Variants in CDH13 observed in about 807,000 individuals in gnomAD.
CDH13 encodes cadherin-13.
CDH13 carries 24 observed loss-of-function variants against 63.8 expected under a neutral mutation model. The observed-to-expected ratio is 0.38, with a 90% CI of 0.27 to 0.53. The LOEUF is 0.53. Ranked by LOEUF, CDH13 falls within the 20% of genes least tolerant of loss-of-function variation. The pLI, the probability that CDH13 is intolerant of heterozygous loss-of-function variation, is 0.85. For synonymous variants in CDH13, 503 were observed against 355.3 expected, an observed-to-expected ratio of 1.42 and a Z score of -4.67; for missense variants, 1,049 against 903.1, an observed-to-expected ratio of 1.16 and a Z score of -2.07.
At chr16:83,000,868 C>A (rs1346314340) in intron 2 of CDH13, among the ~76,000 whole-genome samples, 1 of 152,288 alleles carries the variant, frequency 6.6e-6, no homozygotes, top group East Asian at 1.9e-4. Context: ...CGTGAGCCAC[C>A]GCGCCTGGCC....
At chr16:83,338,018 G>A (rs537930236) in intron 5 of CDH13, among the ~76,000 whole-genome samples, 1 of 152,126 alleles carries the variant, frequency 6.6e-6, no homozygotes, top group African/African-American at 2.4e-5. Flanking sequence ...TCGGACCTAA[G>A]TTTGAGTTCA....
intron 1 of CDH13, among the ~76,000 whole-genome samples, chr16:82,666,628 C>G (rs1256602014): frequency 2.6e-5 from 4 of 152,176 alleles, no homozygotes; most frequent in African/African-American, 9.7e-5. Context: ...TTACTATAAC[C>G]TAGTCGTAGG....
chr16:83,039,077 G>C (rs760386294), intron 3 of CDH13, among the ~76,000 whole-genome samples: 1 of 152,176 alleles, frequency 6.6e-6, no homozygotes. Context: ...CAGGCAGCTG[G>C]TCCTTATGAA....
chr16:83,463,820 A>G (rs994358299), intron 6 of CDH13, among the ~76,000 whole-genome samples: 1 of 152,040 alleles, frequency 6.6e-6, no homozygotes, highest in Non-Finnish European at 1.5e-5. Context: ...AAAGCAAAGA[A>G]AGTGGCTTGG....
intron 5 of CDH13, among the ~76,000 whole-genome samples, chr16:83,327,826 C>T (rs918076391): frequency 8.5e-5 from 13 of 152,068 alleles, no homozygotes; most frequent in African/African-American, 2.7e-4. Context: ...ATGCAAAGAC[C>T]CCAAAATAAA....
intron 2 of CDH13, among the ~76,000 whole-genome samples, chr16:82,909,037 A>G (rs1424568828): frequency 1.3e-5 from 2 of 152,210 alleles, no homozygotes; most frequent in African/African-American, 4.8e-5. Flanking sequence ...AATCTTCTCC[A>G]TATACAGAGG....
intron 4 of CDH13, among the ~76,000 whole-genome samples, chr16:83,147,879 C>G (rs1219412813): frequency 1.3e-5 from 2 of 152,108 alleles, no homozygotes; most frequent in Non-Finnish European, 2.9e-5. Context: ...ACTACAAATT[C>G]AATGGAATTA....
At chr16:82,704,170 G>T (rs909148916) in intron 1 of CDH13, among the ~76,000 whole-genome samples, 3 of 152,132 alleles carry the variant, frequency 2.0e-5, no homozygotes, top group Admixed American at 6.5e-5. Context: ...GGGTGGGCAT[G>T]GGGGGTTGTA....
chr16:82,654,764 G>A (rs1426748741), intron 1 of CDH13, among the ~76,000 whole-genome samples: 1 of 151,906 alleles, frequency 6.6e-6, no homozygotes, highest in Non-Finnish European at 1.5e-5. Context: ...CAGAAGAGGT[G>A]GGTACAGAAA....
At chr16:82,636,575 A>G (rs564088286) in intron 1 of CDH13, among the ~76,000 whole-genome samples, 1 of 152,296 alleles carries the variant, frequency 6.6e-6, no homozygotes, top group South Asian at 2.1e-4. Flanking sequence ...GCAAATAATG[A>G]TCTTCTACCC....
intron 5 of CDH13, among the ~76,000 whole-genome samples, chr16:83,276,580 C>T (rs2088995421): frequency 6.6e-6 from 1 of 152,128 alleles, no homozygotes; most frequent in Admixed American, 6.5e-5. Flanking sequence ...AAGAGCATGT[C>T]ACATCTTGGG....
At chr16:83,288,935 C>A (rs946051455) in intron 5 of CDH13, among the ~76,000 whole-genome samples, 1 of 152,200 alleles carries the variant, frequency 6.6e-6, no homozygotes, top group African/African-American at 2.4e-5. Context: ...GGAGATGTCA[C>A]TTATATTGCA....
intron 4 of CDH13, among the ~76,000 whole-genome samples, chr16:83,206,004 G>T (rs1038879703): frequency 1.3e-5 from 2 of 152,136 alleles, no homozygotes; most frequent in Non-Finnish European, 2.9e-5. Flanking sequence ...CATAGACTGA[G>T]CTCTTACAGT....
chr16:83,404,624 A>G (rs1241440744), intron 6 of CDH13, among the ~76,000 whole-genome samples: 1 of 152,174 alleles, frequency 6.6e-6, no homozygotes, highest in Non-Finnish European at 1.5e-5. Flanking sequence ...CTCACACACA[A>G]ATACACACAC....
chr16:82,765,500 C>A (rs1361008761), intron 1 of CDH13, among the ~76,000 whole-genome samples: 1 of 152,170 alleles, frequency 6.6e-6, no homozygotes, highest in Non-Finnish European at 1.5e-5. Context: ...CAGCTCCCCA[C>A]CAACCACCCC....
At chr16:82,724,367 G>T (rs2032966458) in intron 1 of CDH13, among the ~76,000 whole-genome samples, 1 of 152,054 alleles carries the variant, frequency 6.6e-6, no homozygotes, top group Admixed American at 6.6e-5. Flanking sequence ...TCATTTGCCA[G>T]GTGCCATGCT....
At chr16:83,054,326 G>C (rs2030699511) in intron 3 of CDH13, among the ~76,000 whole-genome samples, 1 of 152,166 alleles carries the variant, frequency 6.6e-6, no homozygotes, top group Admixed American at 6.6e-5. Context: ...ATAACGAATA[G>C]TAAAATAGAA....
chr16:83,211,951 C>G (rs73606399), intron 4 of CDH13, among the ~76,000 whole-genome samples: 4,769 of 152,106 alleles, frequency 0.031, 234 homozygotes, highest in African/African-American at 0.11. Context: ...TGTGGAATTA[C>G]AAAGAATAAT....
At chr16:83,051,996 G>T (rs1441961288) in intron 3 of CDH13, among the ~76,000 whole-genome samples, 3 of 152,090 alleles carry the variant, frequency 2.0e-5, no homozygotes, top group Non-Finnish European at 4.4e-5. Context: ...ATGTGGAAAT[G>T]AGAATAATTC....
Sources: gnomAD v4.1 joint callset for allele counts (sites outside exome capture counted in the v4.1 genomes callset) on GRCh38, gnomAD v4.1.1 for gene constraint, MANE v1.5 for transcripts, NCBI Gene and HGNC (gene_info 2026-07-23, HGNC 2026-07-21) for gene names.